Variants in GDF5 observed in about 807,000 individuals in gnomAD.
GDF5 encodes growth/differentiation factor 5.
In GDF5, 17 loss-of-function variants were observed where a neutral mutation model predicts 34.6. The observed-to-expected ratio is 0.49, with a 90% confidence interval of 0.34 to 0.74. The LOEUF is 0.74. Among genes scored for constraint, GDF5 ranks in the 30% least tolerant of loss-of-function variants. GDF5 has a pLI of 0.01. For missense variants in GDF5, 616 were observed against 661.2 expected, an observed-to-expected ratio of 0.93 and a Z score of 0.75; for synonymous variants, 332 against 290.7, an observed-to-expected ratio of 1.14 and a Z score of -1.44.
chr20:35,434,522 T>G lies in GDF5; in HGVS notation c.893A>C (p.Lys298Thr). ...GSGWEVFDIW[K>T]LFRNFKNSAQ... ...CGAGTTCTTAAAGTTTCGGAAGAGC[T>G]TCCAGATGTCGAACACCTCCCAGCC... The change falls in exon 2 of 2, where the codon AAG becomes ACG. Residue 298 changes from lysine (K) to threonine (T), a missense_variant. Coordinates refer to ENST00000374369, the MANE Select transcript of GDF5 (RefSeq NM_000557.5). 6.2e-7 allele frequency: 1 copy of G among 1,604,332 alleles called. No homozygotes were observed. Among genetic ancestry groups the G allele is most frequent in the East Asian group, 2.2e-5 (1 of 44,674 alleles).
At chr20:35,442,669 C>G (rs2062501740), upstream of GDF5, among the ~76,000 whole-genome samples, 1 of 151,566 alleles carries the variant, frequency 6.6e-6, no homozygotes, top group African/African-American at 2.4e-5. Context: ...CTCAGCCTCC[C>G]AAGTAGCTGG....
At position 35,433,928 on chromosome 20, in the gene GDF5, T is replaced by C. The variant is rs1236919914; in HGVS notation, c.1487A>G (p.Glu496Gly). 1 of 1,614,028 alleles carries C rather than the reference T, an allele frequency of 6.2e-7. No homozygotes were observed. The highest frequency in any genetic ancestry group is 8.5e-7 in the Non-Finnish European group (1 of 1,179,944). ...GTGCTGCTACCTGCAGCCACACGACTCCACGACCATGTCCTCATACTGCTT... is the reference window on the plus strand; with the variant it reads ...GTGCTGCTACCTGCAGCCACACGACCCCACGACCATGTCCTCATACTGCTT... ...VYKQYEDMVVESCGCR is the reference protein window; with the variant it reads ...VYKQYEDMVVGSCGCR The change falls in exon 2 of 2, where the codon GAG becomes GGG. Residue 496 changes from glutamate (E) to glycine (G), a missense_variant. Transcript: ENST00000374369.
intron 1 of GDF5, among the ~76,000 whole-genome samples, chr20:35,435,770 G>T (rs2062469775): frequency 6.6e-6 from 1 of 152,144 alleles, no homozygotes; most frequent in Admixed American, 6.5e-5. Flanking sequence ...GTGTGTTACA[G>T]TTGTATGCAT....
chr20:35,454,091 T>C, intron 1 of GDF5: 1 of 483,698 alleles, frequency 2.1e-6, no homozygotes, highest in Non-Finnish European at 4.3e-6. Context: ...CTACTAAAAA[T>C]TGAGAACCAC....
chr20:35,439,680 GC>G (rs548530417), upstream of GDF5, among the ~76,000 whole-genome samples: 162 of 152,200 alleles, frequency 1.1e-3, no homozygotes, highest in African/African-American at 3.8e-3. Flanking sequence ...CACAGGGTCA[GC>G]GGGGAAAGCT....
chr20:35,453,430 C>T (rs142883848), intron 1 of GDF5, among the ~76,000 whole-genome samples: 3 of 152,266 alleles, frequency 2.0e-5, no homozygotes, highest in East Asian at 1.9e-4. Context: ...TGTATGCAAA[C>T]GCCCTGAGGC....
chr20:35,444,359 G>A (rs2146588246), intron 1 of GDF5, among the ~76,000 whole-genome samples: 1 of 152,280 alleles, frequency 6.6e-6, no homozygotes, highest in South Asian at 2.1e-4. Context: ...AGACCCAGAT[G>A]TAGTGAGAAA....
Position 35,437,730 on chromosome 20 carries a change from C to G in GDF5, c.199G>C (p.Gly67Arg), listed in dbSNP as rs753597147. Residue 67 changes from glycine to arginine, a missense_variant, in exon 1 of 2, where the codon GGG (glycine) becomes CGG (arginine). Transcript: ENST00000374369. Reference sequence around the variant, plus strand: ...CTGGCATTGGCATTGGTGGCCCCCCCACCATAGCTGTGACCCCCTGGCCTG... The same window carrying G: ...CTGGCATTGGCATTGGTGGCCCCCCGACCATAGCTGTGACCCCCTGGCCTG... Reference protein sequence around the residue: ...VFRPGGHSYGGGATNANARAK... With the variant: ...VFRPGGHSYGRGATNANARAK... The G allele has an allele frequency of 6.2e-7, 1 of 1,613,508 alleles. No homozygotes were observed. The highest frequency in any genetic ancestry group is 1.3e-5 in the African/African-American group (1 of 74,910).
At chr20:35,439,781 C>T (rs112136603), upstream of GDF5, among the ~76,000 whole-genome samples, 126 of 152,196 alleles carry the variant, frequency 8.3e-4, no homozygotes, top group Non-Finnish European at 1.6e-3. Flanking sequence ...AAATTTACCT[C>T]CTTCGGGAAG....
chr20:35,434,514 GGAAGAGCTTCCA>G lies in GDF5; in HGVS notation c.889_900del (p.Trp297_Phe300del). 1 of 1,606,032 alleles carries G rather than the reference GGAAGAGCTTCCA, an allele frequency of 6.2e-7. No homozygotes were observed. The highest frequency in any genetic ancestry group is 8.5e-7 in the Non-Finnish European group (1 of 1,175,484). ...AGCTGGGCCGAGTTCTTAAAGTTTC[GGAAGAGCTTCCA>G]GATGTCGAACACCTCCCAGCCAGAT... On this transcript the variant is annotated inframe_deletion, in exon 2 of 2. Coordinates refer to ENST00000374369, the MANE Select transcript of GDF5 (RefSeq NM_000557.5).
chr20:35,448,993 G>C (rs2062522613), intron 1 of GDF5, among the ~76,000 whole-genome samples: 1 of 152,138 alleles, frequency 6.6e-6, no homozygotes. Context: ...AATCCAACTA[G>C]GGAGATTGAC....
At chr20:35,450,128 C>A (rs2062526046) in intron 1 of GDF5, among the ~76,000 whole-genome samples, 2 of 151,016 alleles carry the variant, frequency 1.3e-5, no homozygotes, top group Non-Finnish European at 2.9e-5. Context: ...CATGGTGAAA[C>A]CCCATCTCTA....
rs776905236 is a variant in GDF5 at position 35,437,583 on chromosome 20, G to C, written c.346C>G (p.Gln116Glu). Residue 116 changes from glutamine to glutamate, a missense_variant, in exon 1 of 2, where the codon CAG becomes GAG. Coordinates refer to ENST00000374369, the MANE Select transcript of GDF5 (RefSeq NM_000557.5). ...PKPGHPPQTR[Q>E]ATARTVTPKG... ...GGGGTCACAGTCCGGGCTGTAGCCT[G>C]CCTTGTTTGGGGAGGGTGTCCTGGC... The C allele has an allele frequency of 8.1e-6, 13 of 1,614,040 alleles. No individual in the cohort carries two copies. In the Admixed American group the frequency reaches 1.8e-4, roughly 23 times the overall value.
At chr20:35,448,412 A>AT (rs2062520657) in intron 1 of GDF5, among the ~76,000 whole-genome samples, 1,461 of 128,880 alleles carry the variant, frequency 0.011, 7 homozygotes, top group South Asian at 0.03. Flanking sequence ...AAAAAAAAAA[A>AT]AATATATATA....
At chr20:35,447,199 C>T (rs1361493952) in intron 1 of GDF5, among the ~76,000 whole-genome samples, 1 of 152,020 alleles carries the variant, frequency 6.6e-6, no homozygotes, top group East Asian at 1.9e-4. Context: ...GCTACCCCTT[C>T]CCCCTCCCCC....
chr20:35,438,390 A>T (rs912016200), upstream of GDF5: 4 of 177,772 alleles, frequency 2.3e-5, no homozygotes, highest in Admixed American at 1.7e-4. Context: ...ACACACACAC[A>T]CTCACAGGCC....
At chr20:35,447,509 T>C (rs1313192046) in intron 1 of GDF5, among the ~76,000 whole-genome samples, 8 of 152,212 alleles carry the variant, frequency 5.3e-5, no homozygotes, top group African/African-American at 1.9e-4. Context: ...CTGGAAATTG[T>C]ATGTGAGTGT....
At chr20:35,441,460 T>C (rs1432797433), upstream of GDF5, 1 of 151,936 alleles carries the variant, frequency 6.6e-6, no homozygotes. Flanking sequence ...ATAGCTTTTT[T>C]TTTTTTTTTT....
At chr20:35,442,268 T>G (rs1420314923), upstream of GDF5, among the ~76,000 whole-genome samples, 1 of 151,960 alleles carries the variant, frequency 6.6e-6, no homozygotes, top group Admixed American at 6.6e-5. Context: ...TGCTTCAGCC[T>G]CCTGAGTAGC....
Sources: gnomAD v4.1 joint callset for allele counts (sites outside exome capture counted in the v4.1 genomes callset) on GRCh38, gnomAD v4.1.1 for gene constraint, MANE v1.5 for transcripts, NCBI Gene and HGNC (gene_info 2026-07-23, HGNC 2026-07-21) for gene names.